The following KALRN variants were observed in gnomAD, a reference collection of about 807,000 sequenced individuals.
KALRN encodes the protein kalirin.
KALRN carries 70 observed loss-of-function variants against 353.7 expected under a neutral mutation model. The ratio of observed to expected loss-of-function variants is 0.20; its 90% CI spans 0.16 to 0.24. The LOEUF (loss-of-function observed/expected upper bound fraction) is 0.24. KALRN is among the 10% of genes least tolerant of loss of function. The probability of loss-of-function intolerance (pLI) is 1.00; values close to 1 mark genes in which losing one functional copy is unlikely to be tolerated. For synonymous variants in KALRN, 1,391 were observed against 1,434.8 expected (o/e 0.97, Z 0.69); for missense variants, 2,791 against 3,756.7 (o/e 0.74, Z 6.72).
chr3:124,057,498 A>C (rs2041653980), intron 1 of KALRN, among the ~76,000 whole-genome samples: 1 of 152,206 alleles, frequency 6.6e-6, no homozygotes. Context: ...TTCAGCATCC[A>C]GGGCATCTGC....
intron 1 of KALRN, among the ~76,000 whole-genome samples, chr3:124,212,418 C>A (rs2076978531): frequency 6.6e-6 from 1 of 151,968 alleles, no homozygotes. Context: ...ATGTTGCGAG[C>A]ATTCTTCCAT....
chr3:124,629,120 C>T (rs547062046), intron 34 of KALRN, among the ~76,000 whole-genome samples: 2 of 152,198 alleles, frequency 1.3e-5, no homozygotes, highest in African/African-American at 2.4e-5. Flanking sequence ...GTCAGGGGGC[C>T]TATGTGCGGG....
In KALRN at chr3:124,408,145, C is replaced by A. The variant is rs1377916880; in HGVS notation, c.2347-5325C>A. ...GTTTTCTTGCAAGGATAAATTATGC[C>A]TGGCATTTATCTAAGGCCACAAACA... On this transcript the variant is annotated intron_variant, in intron 13 of 59. Coordinates refer to ENST00000682506, the MANE Select transcript of KALRN (RefSeq NM_001388419.1). 1.8e-4 allele frequency among the ~76,000 whole-genome samples: 28 copies of A among 151,838 alleles called. 1 individual carries two copies.
chr3:124,313,024 G>A (rs73188199), intron 6 of KALRN, among the ~76,000 whole-genome samples: 39,586 of 152,156 alleles, frequency 0.26, 6,828 homozygotes, highest in Non-Finnish European at 0.38. Context: ...GAGCTAGGAA[G>A]GTAGGGCCTT....
rs1405317878 is a variant in KALRN, at chr3:124,334,731, T to C, written c.1647+236T>C. Among the ~76,000 whole-genome samples the C allele has an allele frequency of 2.0e-5, 3 of 152,224 alleles. No individual in the cohort carries two copies. Among genetic ancestry groups the C allele is most frequent in the African/African-American group, 7.2e-5 (3 of 41,466 alleles). ...GACTGGCCTTCTCACCACGTGGTAT[T>C]GTAAAGGGAGACTCAGTCTCAGGAA... On this transcript the variant is annotated intron_variant, in intron 9 of 59. Transcript: ENST00000682506. The surrounding 1 kb of genome is among the most constrained non-coding windows in gnomAD (Gnocchi z 4.2).
At chr3:124,188,860 C>G (rs901455460) in intron 1 of KALRN, among the ~76,000 whole-genome samples, 9 of 152,162 alleles carry the variant, frequency 5.9e-5, no homozygotes, top group African/African-American at 2.2e-4. Flanking sequence ...CTTCTTACCC[C>G]CAAGTCCCAC....
At chr3:124,578,619 A>G (rs988594738) in intron 34 of KALRN, among the ~76,000 whole-genome samples, 2 of 152,064 alleles carry the variant, frequency 1.3e-5, no homozygotes, top group African/African-American at 2.4e-5. Context: ...AAACCCATAG[A>G]TTGGCCGGGC....
At chr3:124,669,044 C>A (rs926618692) in intron 47 of KALRN, among the ~76,000 whole-genome samples, 8 of 152,208 alleles carry the variant, frequency 5.3e-5, no homozygotes, top group Non-Finnish European at 1.2e-4. Flanking sequence ...GTGCCAGGCA[C>A]TATGCTAAGC....
At chr3:124,652,052 C>T (rs560913651) in intron 38 of KALRN, among the ~76,000 whole-genome samples, 1 of 152,306 alleles carries the variant, frequency 6.6e-6, no homozygotes, top group East Asian at 1.9e-4. Flanking sequence ...ATTGGGAAGG[C>T]AGGTGTGAAG....
At chr3:124,048,736 C>T (rs2040755137) in intron 1 of KALRN, among the ~76,000 whole-genome samples, 1 of 152,220 alleles carries the variant, frequency 6.6e-6, no homozygotes, top group Non-Finnish European at 1.5e-5. Context: ...CCTGCCTTGG[C>T]CTCCCAATCC....
chr3:124,203,935 A>T (rs1034824643), intron 1 of KALRN, among the ~76,000 whole-genome samples: 1 of 152,220 alleles, frequency 6.6e-6, no homozygotes, highest in Non-Finnish European at 1.5e-5. Context: ...CAGGATGTGA[A>T]GCTCTTGTAT....
chr3:124,083,613 C>T (rs2060652727), intron 1 of KALRN, among the ~76,000 whole-genome samples: 1 of 152,062 alleles, frequency 6.6e-6, no homozygotes, highest in African/African-American at 2.4e-5. Flanking sequence ...TATTATCATC[C>T]CCATTTTACA....
At chr3:124,067,155 T>C (rs1410162452) in intron 1 of KALRN, among the ~76,000 whole-genome samples, 1 of 152,192 alleles carries the variant, frequency 6.6e-6, no homozygotes, top group Non-Finnish European at 1.5e-5. Flanking sequence ...AACTTCTTCA[T>C]GGCAGAGCCA....
Position 124,661,879 on chromosome 3 carries a change from C to T in KALRN, c.6296C>T (p.Pro2099Leu). The change falls in exon 45 of 60, where the codon CCC becomes CTC. Residue 2099 changes from proline (P) to leucine (L), a missense_variant. Around this residue, in one of 11 missense-constraint regions of KALRN, gnomAD observed 1,065 missense variants for 1,156.4 expected, o/e 0.92. Coordinates refer to ENST00000682506, the MANE Select transcript of KALRN (RefSeq NM_001388419.1). ...EKAVELMCLV[P>L]KRCNDMMNLG... ...GCAGTGGAGTTAATGTGCCTTGTTC[C>T]CAAACGCTGCAATGACATGATGAAT... The T allele has an allele frequency of 6.2e-7, 1 of 1,614,116 alleles. No homozygotes were observed. The highest frequency in any genetic ancestry group is 8.5e-7 in the Non-Finnish European group (1 of 1,180,000).
intron 54 of KALRN, 44 bp from the exon 55 acceptor site, chr3:124,697,549 A>C: frequency 6.5e-7 from 1 of 1,529,132 alleles, no homozygotes; most frequent in Non-Finnish European, 8.8e-7. Context: ...TAAAATGCCA[A>C]GTTCTGCAGA....
intron 37 of KALRN, among the ~76,000 whole-genome samples, chr3:124,642,728 C>G (rs971129717): frequency 6.7e-6 from 1 of 150,182 alleles, no homozygotes; most frequent in Non-Finnish European, 1.5e-5. Context: ...ATGGCCTCAT[C>G]ATATCCATTG....
intron 1 of KALRN, among the ~76,000 whole-genome samples, chr3:124,143,948 G>A (rs148208557): frequency 1.3e-5 from 2 of 152,176 alleles, no homozygotes; most frequent in Non-Finnish European, 2.9e-5. Context: ...GGCAGTAAGG[G>A]GGGGATCTAA....
chr3:124,277,994 C>CTGTGTGTGTG (rs1437193234), intron 5 of KALRN, among the ~76,000 whole-genome samples: 88 of 75,576 alleles, frequency 1.2e-3, no homozygotes, highest in Middle Eastern at 6.7e-3. Flanking sequence ...CAGAGATGAA[C>CTGTGTGTGTG]TATGTGTGTG....
chr3:124,355,379 C>A (rs1282559373), intron 10 of KALRN, among the ~76,000 whole-genome samples: 1 of 152,090 alleles, frequency 6.6e-6, no homozygotes, highest in Non-Finnish European at 1.5e-5. Flanking sequence ...AAGATATTGA[C>A]AAAATACACC....
Sources: allele counts gnomAD v4.1 joint callset (sites outside exome capture counted in the v4.1 genomes callset), GRCh38; gene constraint gnomAD v4.1.1; regional missense constraint gnomAD v4.1.1; non-coding constraint Gnocchi (gnomAD v3.1); transcripts MANE v1.5; gene names NCBI Gene and HGNC (gene_info 2026-07-23, HGNC 2026-07-21).